Variants in ZFYVE9 observed in about 807,000 individuals in gnomAD.
ZFYVE9 encodes zinc finger FYVE domain-containing protein 9.
ZFYVE9 carries 43 observed loss-of-function variants against 126.7 expected under a neutral mutation model. That is an observed-to-expected ratio of 0.34 (90% CI 0.27 to 0.44). ZFYVE9 has a LOEUF of 0.44. Ranked by LOEUF, ZFYVE9 falls within the 20% of genes least tolerant of loss-of-function variation. The pLI is 1.00. For synonymous variants in ZFYVE9, 521 were observed against 597.4 expected (o/e 0.87, Z 1.87); for missense variants, 1,476 against 1,697.0 (o/e 0.87, Z 2.29).
intron 3 of ZFYVE9, 148 bp from the exon 4 acceptor site, chr1:52,237,340 A>G (rs1423728316): frequency 1.4e-6 from 1 of 721,626 alleles, no homozygotes; most frequent in African/African-American, 1.8e-5. Flanking sequence ...TGTCTGAAAT[A>G]TATTTTCTTA....
At chr1:52,217,060 G>A (rs1355743399) in intron 2 of ZFYVE9, among the ~76,000 whole-genome samples, 7 of 151,944 alleles carry the variant, frequency 4.6e-5, no homozygotes, top group Non-Finnish European at 8.8e-5. Flanking sequence ...AAAGAAACCC[G>A]CACTTAGACA....
At chr1:52,223,238 G>T (rs533750277) in intron 2 of ZFYVE9, among the ~76,000 whole-genome samples, 73 of 152,184 alleles carry the variant, frequency 4.8e-4, no homozygotes, top group African/African-American at 1.4e-3. Flanking sequence ...CTCTTAAAAT[G>T]TCCTGGCTTT....
intron 1 of ZFYVE9, among the ~76,000 whole-genome samples, chr1:52,191,734 A>G (rs986691461): frequency 8.5e-5 from 13 of 152,280 alleles, no homozygotes; most frequent in Admixed American, 6.5e-4. Context: ...TTTTTCCATT[A>G]CACCACATTG....
chr1:52,195,039 GGTA>G (rs1282667908), intron 1 of ZFYVE9, among the ~76,000 whole-genome samples: 26 of 152,160 alleles, frequency 1.7e-4, no homozygotes, highest in Admixed American at 1.0e-3. Flanking sequence ...TAAAATCCAT[GGTA>G]GTAACCTGTT....
intron 1 of ZFYVE9, among the ~76,000 whole-genome samples, chr1:52,148,069 C>G (rs115959440): frequency 6.6e-6 from 1 of 151,984 alleles, no homozygotes; most frequent in African/African-American, 2.4e-5. Flanking sequence ...CATGAGCCAC[C>G]ATGCTCCTGG....
chr1:52,298,999 G>A (rs1372270492), intron 12 of ZFYVE9, among the ~76,000 whole-genome samples: 2 of 151,930 alleles, frequency 1.3e-5, no homozygotes, highest in East Asian at 3.9e-4. Context: ...TAGTAGAGAC[G>A]GGGTTTCACT....
At chr1:52,297,888 A>C (rs1645993890) in intron 12 of ZFYVE9, among the ~76,000 whole-genome samples, 1 of 151,490 alleles carries the variant, frequency 6.6e-6, no homozygotes, top group African/African-American at 2.4e-5. Context: ...ATGCCCAGCT[A>C]GTTTTTGTAT....
intron 1 of ZFYVE9, among the ~76,000 whole-genome samples, chr1:52,153,101 A>G (rs1319960867): frequency 6.6e-6 from 1 of 152,220 alleles, no homozygotes; most frequent in Non-Finnish European, 1.5e-5. Flanking sequence ...CAAGGAGAGC[A>G]TGGTCATGAC....
chr1:52,262,349 C>T (rs766359408), intron 4 of ZFYVE9, among the ~76,000 whole-genome samples: 1 of 152,144 alleles, frequency 6.6e-6, no homozygotes, highest in Non-Finnish European at 1.5e-5. Context: ...TGAGTGTCTT[C>T]ATGGAATTTT....
chr1:52,168,399 T>C (rs1173735476), intron 1 of ZFYVE9, among the ~76,000 whole-genome samples: 1 of 151,992 alleles, frequency 6.6e-6, no homozygotes, highest in Non-Finnish European at 1.5e-5. Flanking sequence ...GTATTTTCAA[T>C]AGAGACGGGG....
intron 13 of ZFYVE9, among the ~76,000 whole-genome samples, chr1:52,331,669 G>A (rs535840657): frequency 3.7e-4 from 56 of 150,586 alleles, no homozygotes; most frequent in South Asian, 1.5e-3. Context: ...GGAGAATGGC[G>A]TGAACCCAGG....
rs201326246 is a variant in ZFYVE9, at chr1:52,238,358, G to T, written c.941G>T (p.Ser314Ile). The change falls in exon 4 of 19, where the codon AGT becomes ATT. Residue 314 changes from serine (S) to isoleucine (I), a missense_variant. Ser to Ile is a moderately radical substitution (Grantham distance 142, BLOSUM62 -2). Coordinates refer to ENST00000287727, the MANE Select transcript of ZFYVE9 (RefSeq NM_004799.4). ...LGSPNSFSHMSEGILMKKEPA... is the reference protein window; with the variant it reads ...LGSPNSFSHMIEGILMKKEPA... ...AGTCCAAATTCCTTTTCCCACATGA[G>T]TGAGGGGATTTTGATGAAAAAAGAG... 4 of 1,613,806 alleles carry T rather than the reference G, an allele frequency of 2.5e-6. No individual in the cohort carries two copies. The Admixed American group carries it at 6.7e-5, about 27-fold the overall frequency.
chr1:52,146,027 CCACACACACACACACA>C (rs1168051378), intron 1 of ZFYVE9, among the ~76,000 whole-genome samples: 6 of 146,180 alleles, frequency 4.1e-5, no homozygotes, highest in Non-Finnish European at 9.0e-5. Context: ...TCAAAAATAT[CCACACACACACACACA>C]CACACACACA....
At chr1:52,175,238 G>A (rs1397938267) in intron 1 of ZFYVE9, among the ~76,000 whole-genome samples, 4 of 150,536 alleles carry the variant, frequency 2.7e-5, no homozygotes, top group Admixed American at 6.6e-5. Flanking sequence ...TGTCTGTAAA[G>A]TATTTTATTT....
intron 4 of ZFYVE9, among the ~76,000 whole-genome samples, chr1:52,256,075 T>G (rs1645515948): frequency 6.6e-6 from 1 of 151,128 alleles, no homozygotes; most frequent in Non-Finnish European, 1.5e-5. Flanking sequence ...TTCTTTCTTT[T>G]CTTTCTTTCA....
Position 52,337,787 on chromosome 1 carries a change from A to G in ZFYVE9, c.3686A>G (p.Gln1229Arg). ...TGATTCTTAGATGGTGTTATGGTCC[A>G]GATTACTGCAGAGAACATGGATTCC... is the stretch of plus-strand genomic sequence containing the variant. ...SSIVEDGVMV[Q>R]ITAENMDSLR... Residue 1229 changes from glutamine (Q) to arginine (R), a missense_variant, in exon 16 of 19, where the codon CAG (glutamine) becomes CGG (arginine). By Grantham distance (43) the Gln-to-Arg change is conservative. Transcript: ENST00000287727. 6.2e-7 allele frequency: 1 copy of G among 1,614,218 alleles called. No homozygotes were observed. The highest frequency in any genetic ancestry group is 1.1e-5 in the South Asian group (1 of 91,088).
In ZFYVE9 at chr1:52,346,298, T is replaced by G; in HGVS notation, c.*77T>G. 2 of 1,370,240 alleles carry G rather than the reference T, an allele frequency of 1.5e-6. No individual in the cohort carries two copies. Among genetic ancestry groups the G allele is most frequent in the Non-Finnish European group, 1.9e-6 (2 of 1,034,684 alleles). 84.9% of individuals were successfully genotyped at this position (1,370,240 alleles called of 1,614,324 possible). A position where few individuals can be genotyped will look rare whatever the true frequency, so the allele number is the denominator to read the frequency against. On this transcript the variant is annotated 3_prime_UTR_variant, in exon 19 of 19. Coordinates refer to ENST00000287727, the MANE Select transcript of ZFYVE9 (RefSeq NM_004799.4). ...ACCCAAATCATTTGCACTTTAAAAC[T>G]GGAAGATTAAGCTTTTGTTAACACT...
At chr1:52,204,520 A>G (rs1644954991) in intron 1 of ZFYVE9, among the ~76,000 whole-genome samples, 1 of 152,176 alleles carries the variant, frequency 6.6e-6, no homozygotes, top group African/African-American at 2.4e-5. Context: ...TGAGGTCAGG[A>G]GTTCAAGACC....
chr1:52,144,811 A>T (rs1215951798), intron 1 of ZFYVE9, among the ~76,000 whole-genome samples: 1 of 152,176 alleles, frequency 6.6e-6, no homozygotes, highest in East Asian at 1.9e-4. Context: ...TTACTTTGGC[A>T]CTTAATGGAC....
Sources: allele counts gnomAD v4.1 joint callset (sites outside exome capture counted in the v4.1 genomes callset), GRCh38; gene constraint gnomAD v4.1.1; transcripts MANE v1.5; gene names NCBI Gene and HGNC (gene_info 2026-07-23, HGNC 2026-07-21).